ITIH3: variants seen among roughly 807,000 people sequenced by gnomAD.
The protein encoded by ITIH3 is inter-alpha-trypsin inhibitor heavy chain H3.
In ITIH3, 81 loss-of-function variants were observed where a neutral mutation model predicts 96.5. That is an observed-to-expected ratio of 0.84 (90% confidence interval 0.70 to 1.01). The LOEUF (loss-of-function observed/expected upper bound fraction) is 1.01. ITIH3 is among the 50% of genes least tolerant of loss of function. The pLI is 0.00. For synonymous variants in ITIH3, 422 were observed against 445.2 expected (o/e 0.95, Z 0.66); for missense variants, 1,057 against 1,139.3 (o/e 0.93, Z 1.04).
intron 9 of ITIH3, 99 bp downstream of exon 9, chr3:52,800,020 C>A: frequency 8.5e-7 from 1 of 1,170,748 alleles, no homozygotes; most frequent in Non-Finnish European, 1.2e-6. Flanking sequence ...TGGTCTCAGG[C>A]CCTCTTCAGA....
chr3:52,804,622 A>AC, intron 14 of ITIH3, 104 bp from the exon 15 acceptor site: 1 of 1,297,790 alleles, frequency 7.7e-7, no homozygotes, highest in Non-Finnish European at 1.1e-6. Context: ...TGGGAGGCCC[A>AC]CAGCCTAGGG....
chr3:52,797,148 G>T lies in ITIH3; in HGVS notation c.430G>T (p.Val144Leu), dbSNP rs760424129. 1 of 1,609,840 alleles carries T rather than the reference G, an allele frequency of 6.2e-7. No individual in the cohort carries two copies. Among genetic ancestry groups the T allele is most frequent in the Non-Finnish European group, 8.5e-7 (1 of 1,178,364 alleles). Residue 144 changes from valine (V) to leucine (L), a missense_variant, in exon 5 of 22, where the codon GTG becomes TTG. Transcript: ENST00000449956. ...KLEKFTVSVN[V>L]AAGSKVTFEL... ...GGAGAAGTTCACAGTCTCGGTCAAC[G>T]TGGCTGCAGGCAGCAAAGTCACCTT... is the stretch of plus-strand genomic sequence containing the variant.
chr3:52,797,399 T>A, intron 5 of ITIH3, 132 bp downstream of exon 5: 1 of 997,786 alleles, frequency 1.0e-6, no homozygotes, highest in Non-Finnish European at 1.5e-6. Flanking sequence ...CTGGGAAGGC[T>A]GGAGGAATTC....
Position 52,802,348 on chromosome 3 carries a change from G to A in ITIH3, c.1398G>A (p.Glu466=). The A allele has an allele frequency of 6.2e-7, 1 of 1,613,890 alleles. No individual in the cohort carries two copies. The highest frequency in any genetic ancestry group is 8.5e-7 in the Non-Finnish European group (1 of 1,179,868). The change falls in exon 12 of 22, where the codon GAG becomes GAA. Residue 466 remains glutamate, a synonymous_variant. Coordinates refer to ENST00000449956, the MANE Select transcript of ITIH3 (RefSeq NM_002217.4). ...GCGAACTTCAGGGCTTCTATGAGGA[G>A]GTGGCCAACCCACTGCTGACGGGTG... ...ADLQLQGFYE[E]VANPLLTGVE... is the part of the protein sequence containing the mutation.
chr3:52,805,900 G>A lies in ITIH3; in HGVS notation c.1906+60G>A, dbSNP rs367822255. On this transcript the variant is annotated intron_variant, in intron 16 of 21. Coordinates refer to ENST00000449956, the MANE Select transcript of ITIH3 (RefSeq NM_002217.4). ...TGCTTAGAGCCTGCCCCTGCCACAT[G>A]TCCCTCCACCGTGGCTACTCACTCA... 5.6e-6 allele frequency: 9 copies of A among 1,593,680 alleles called. No individual in the cohort carries two copies. The African/African-American group carries it at 1.1e-4, about 19-fold the overall frequency.
At chr3:52,799,269 G>A (rs547914748) in intron 7 of ITIH3, 103 bp from the exon 8 acceptor site, 23 of 1,172,934 alleles carry the variant, frequency 2.0e-5, no homozygotes, top group Admixed American at 1.5e-4. Flanking sequence ...GGATAGGAAC[G>A]TCTTTTTCTT....
At position 52,806,423 on chromosome 3, in the gene ITIH3, A is replaced by G. The variant is rs754972508; in HGVS notation, c.2056+17A>G. Reference sequence around the variant, plus strand: ...CAGTCACAGGTGAGGCTTGTGGGCTAGGGCCGGGGCCAGGGGGCTCTTCCT... The same window carrying G: ...CAGTCACAGGTGAGGCTTGTGGGCTGGGGCCGGGGCCAGGGGGCTCTTCCT... On this transcript the variant is annotated intron_variant, in intron 18 of 21. Transcript: ENST00000449956. The G allele has an allele frequency of 3.8e-6, 6 of 1,597,512 alleles. No individual in the cohort carries two copies. The highest frequency in any genetic ancestry group is 4.3e-6 in the Non-Finnish European group (5 of 1,168,324).
chr3:52,796,330 A>T (rs1699578436), intron 2 of ITIH3, 151 bp from the exon 3 acceptor site: 1 of 647,664 alleles, frequency 1.5e-6, no homozygotes, highest in South Asian at 2.0e-5. Flanking sequence ...AGACGCCACC[A>T]AGTCTTCCAG....
chr3:52,796,616 C>T lies in ITIH3; in HGVS notation c.250C>T (p.Pro84Ser), dbSNP rs1699591137. ...AKEVSFDVEL[P>S]KTAFITNFTL... is the part of the protein sequence containing the mutation. The stretch of plus-strand genomic sequence containing the variant: ...GGAGGTTTCCTTTGATGTGGAGCTG[C>T]CCAAGACGGCCTTCATCACCAACTT... The change falls in exon 3 of 22, where the codon CCC (proline) becomes TCC (serine). Residue 84 changes from proline (P) to serine (S), a missense_variant. By Grantham distance (74) the Pro-to-Ser change is moderately conservative. Coordinates refer to ENST00000449956, the MANE Select transcript of ITIH3 (RefSeq NM_002217.4). 6.2e-7 allele frequency: 1 copy of T among 1,612,930 alleles called. No homozygotes were observed.
At chr3:52,797,372 G>T (rs1443192220) in intron 5 of ITIH3, 105 bp downstream of exon 5, 4 of 1,185,636 alleles carry the variant, frequency 3.4e-6, no homozygotes, top group Non-Finnish European at 4.7e-6. Context: ...CTGCCTCACG[G>T]CATCCCCCAT....
At chr3:52,795,202 T>C (rs894595891) in intron 1 of ITIH3, among the ~76,000 whole-genome samples, 3 of 152,324 alleles carry the variant, frequency 2.0e-5, no homozygotes, top group African/African-American at 7.2e-5. Flanking sequence ...GAGTGTGACC[T>C]CTACAAAATG....
chr3:52,804,831 G>A (rs1699979208), intron 15 of ITIH3, 97 bp downstream of exon 15: 3 of 1,387,148 alleles, frequency 2.2e-6, no homozygotes, highest in African/African-American at 1.4e-5. Context: ...CCCAGCCATG[G>A]GGGCACACTT....
chr3:52,807,978 A>T, intron 20 of ITIH3, 62 bp downstream of exon 20: 2 of 1,585,950 alleles, frequency 1.3e-6, no homozygotes, highest in Non-Finnish European at 1.7e-6. Flanking sequence ...AGACATACAC[A>T]AGGCCTTCCT....
chr3:52,805,391 G>A (rs1699997572), intron 15 of ITIH3: 2 of 1,033,934 alleles, frequency 1.9e-6, no homozygotes, highest in Non-Finnish European at 2.3e-6. Context: ...ATATATGCAT[G>A]TGCACGCATA....
intron 13 of ITIH3, among the ~76,000 whole-genome samples, chr3:52,803,152 A>G (rs1699899671): frequency 6.6e-6 from 1 of 152,172 alleles, no homozygotes; most frequent in Non-Finnish European, 1.5e-5. Context: ...GCCCACTGAG[A>G]GGGTCAGTGT....
intron 10 of ITIH3, 116 bp downstream of exon 10, chr3:52,800,779 C>A: frequency 6.7e-7 from 1 of 1,487,906 alleles, no homozygotes; most frequent in South Asian, 1.3e-5. Flanking sequence ...TCCCTGTGGT[C>A]TGGGAGCCCC....
chr3:52,804,472 G>C, intron 14 of ITIH3: 1 of 515,716 alleles, frequency 1.9e-6, no homozygotes, highest in Non-Finnish European at 3.5e-6. Context: ...ACTGCAACTA[G>C]GTACAGGGTC....
intron 8 of ITIH3, 32 bp from the exon 9 acceptor site, chr3:52,799,721 C>A (rs774081410): frequency 1.3e-6 from 2 of 1,583,352 alleles, no homozygotes; most frequent in Non-Finnish European, 8.6e-7. Context: ...CTCTCTGCTG[C>A]GGCTTCTCCC....
Position 52,806,391 on chromosome 3 carries a change from C to G in ITIH3, c.2041C>G (p.Gln681Glu). 1 of 1,613,222 alleles carries G rather than the reference C, an allele frequency of 6.2e-7. No homozygotes were observed. Among genetic ancestry groups the G allele is most frequent in the East Asian group, 2.2e-5 (1 of 44,870 alleles). Residue 681 changes from glutamine to glutamate, a missense_variant, in exon 18 of 22, where the codon CAG (glutamine) becomes GAG (glutamate). Physicochemically the swap from Gln to Glu is conservative, Grantham distance 29 (BLOSUM62 2). Coordinates refer to ENST00000449956, the MANE Select transcript of ITIH3 (RefSeq NM_002217.4). Reference protein sequence around the residue: ...EAPGTVLRLIQDAVTGLTVNG... With the variant: ...EAPGTVLRLIEDAVTGLTVNG... ...CCCAGGCACAGTGCTGCGCCTTATT[C>G]AGGATGCAGTCACAGGTGAGGCTTG...
Sources: gnomAD v4.1 joint callset for allele counts (sites outside exome capture counted in the v4.1 genomes callset) on GRCh38, gnomAD v4.1.1 for gene constraint, MANE v1.5 for transcripts, NCBI Gene and HGNC (gene_info 2026-07-23, HGNC 2026-07-21) for gene names.